CC2D2B: variants seen among roughly 807,000 people sequenced by gnomAD.
CC2D2B encodes coiled-coil and C2 domain containing 2B, also known as protein CC2D2B.
Under a neutral mutation model 161.2 loss-of-function variants are expected in CC2D2B, and 128 were observed. The ratio of observed to expected loss-of-function variants is 0.79; its 90% CI spans 0.69 to 0.92. The LOEUF is 0.92. Ranked by LOEUF, CC2D2B falls within the 40% of genes least tolerant of loss-of-function variation. CC2D2B has a pLI of 0.00. For missense variants in CC2D2B, 1,173 were observed against 1,375.1 expected (o/e 0.85, Z 2.32); for synonymous variants, 391 against 449.8 (o/e 0.87, Z 1.65).
At position 95,961,975 on chromosome 10, in the gene CC2D2B, T is replaced by C. The variant is rs2076775965; in HGVS notation, c.1250+6T>C. 3 of 1,231,434 alleles carry C rather than the reference T, an allele frequency of 2.4e-6. No homozygotes were observed. The highest frequency in any genetic ancestry group is 4.1e-5 in the South Asian group (1 of 24,316). 76.3% of individuals were successfully genotyped at this position (1,231,434 alleles called of 1,614,324 possible). A position where few individuals can be genotyped will look rare whatever the true frequency, so the allele number is the denominator to read the frequency against. On this transcript the variant is annotated splice_donor_region_variant and intron_variant, in intron 12 of 34. Transcript: ENST00000646931. ...ATAAAGTTACAGGTTCAGAGGTAAG[T>C]GGCTGCTCTATTTGCTCTTATTGGT...
chr10:96,029,241 C>CATATAT lies in CC2D2B; in HGVS notation c.4125+1891_4125+1896dup, dbSNP rs56195141. Among the ~76,000 whole-genome samples the CATATAT allele has an allele frequency of 1.0e-3, 67 of 67,134 alleles. 1 individual carries two copies. The highest frequency in any genetic ancestry group is 1.9e-3 in the Non-Finnish European group (54 of 28,132). The allele number at this position is 67,134 out of a possible 152,430, so 44.0% of individuals were successfully genotyped here. A position where few individuals can be genotyped will look rare whatever the true frequency, so the allele number is the denominator to read the frequency against. ...CATATCAAAATATCTTTTCATGTAC[C>CATATAT]ATATATATATATATATATATATATA... On this transcript the variant is annotated intron_variant, in intron 34 of 34. Transcript: ENST00000646931.
rs77856122 is a variant in CC2D2B at position 95,970,528 on chromosome 10, G to T, written c.1645-1538G>T. On this transcript the variant is annotated intron_variant, in intron 15 of 34. Coordinates refer to ENST00000646931, the MANE Select transcript of CC2D2B (RefSeq NM_001349008.3). ...ATCTCATCGCATCATGGTGTTGACA[G>T]TTGTCAGGGGACAAGACTGGCTCCT... 7.5e-3 allele frequency among the ~76,000 whole-genome samples: 1,136 copies of T among 152,280 alleles called. 9 individuals are homozygous for T. Among genetic ancestry groups the T allele is most frequent in the Middle Eastern group, 0.014 (4 of 294 alleles).
At position 95,945,146 on chromosome 10, in the gene CC2D2B, G is replaced by A. The variant is rs2076153195; in HGVS notation, c.802-4750G>A. Among the ~76,000 whole-genome samples, 4 of 152,298 alleles carry A rather than the reference G, an allele frequency of 2.6e-5. No individual in the cohort carries two copies. The South Asian group carries it at 8.3e-4, about 32-fold the overall frequency. ...CTTGGACTTCCCAGCCTCCAGAACTGTGGAATAAATTTCTTTTCTTTATAA... is the reference window on the plus strand; with the variant it reads ...CTTGGACTTCCCAGCCTCCAGAACTATGGAATAAATTTCTTTTCTTTATAA... On this transcript the variant is annotated intron_variant, in intron 9 of 34. Coordinates refer to ENST00000646931, the MANE Select transcript of CC2D2B (RefSeq NM_001349008.3).
intron 9 of CC2D2B, among the ~76,000 whole-genome samples, chr10:95,945,320 C>A (rs2076158945): frequency 6.6e-6 from 1 of 152,116 alleles, no homozygotes; most frequent in Admixed American, 6.6e-5. Context: ...TGTTGCCCAG[C>A]CAGCCTTGAA....
chr10:95,997,039 C>T (rs1035281100), intron 24 of CC2D2B, among the ~76,000 whole-genome samples: 4 of 152,216 alleles, frequency 2.6e-5, no homozygotes, highest in Admixed American at 2.0e-4. Context: ...CCTCACCAGA[C>T]ACCAGATGCT....
intron 28 of CC2D2B, 140 bp downstream of exon 28, chr10:96,012,869 C>T: frequency 1.6e-6 from 1 of 620,992 alleles, no homozygotes; most frequent in Admixed American, 2.9e-5. Flanking sequence ...AGTCATAAAG[C>T]TCCCTTAGCT....
At chr10:95,997,589 A>C (rs1305666244) in intron 24 of CC2D2B, among the ~76,000 whole-genome samples, 1 of 151,862 alleles carries the variant, frequency 6.6e-6, no homozygotes, top group Admixed American at 6.6e-5. Context: ...GGGTCTCACT[A>C]TGTTGCCCAG....
chr10:96,004,160 G>T lies in CC2D2B; in HGVS notation c.2858G>T (p.Gly953Val). ...EEIKVDFVSP[G>V]HDYSFSSLSK... is the part of the protein sequence containing the mutation. ...ATTTTTCTTATTTGCAGCTCACCAGGACATGATTATAGCTTCTCAAGCTTA... is the reference window on the plus strand; with the variant it reads ...ATTTTTCTTATTTGCAGCTCACCAGTACATGATTATAGCTTCTCAAGCTTA... Residue 953 changes from glycine to valine, a missense_variant, in exon 25 of 35, where the codon GGA (glycine) becomes GTA (valine). Physicochemically the swap from Gly to Val is moderately radical, Grantham distance 109 (BLOSUM62 -3). Coordinates refer to ENST00000646931, the MANE Select transcript of CC2D2B (RefSeq NM_001349008.3). The T allele has an allele frequency of 2.0e-6, 3 of 1,533,434 alleles. No individual in the cohort carries two copies. Among genetic ancestry groups the T allele is most frequent in the Non-Finnish European group, 1.8e-6 (2 of 1,142,650 alleles). 95.0% of individuals were successfully genotyped at this position (1,533,434 alleles called of 1,614,324 possible). A position where few individuals can be genotyped will look rare whatever the true frequency, so the allele number is the denominator to read the frequency against.
At chr10:95,934,996 G>A (rs1226960282) in intron 6 of CC2D2B, among the ~76,000 whole-genome samples, 3 of 151,974 alleles carry the variant, frequency 2.0e-5, no homozygotes, top group Non-Finnish European at 4.4e-5. Flanking sequence ...TCAGCCTCCC[G>A]AGTAGCTAGG....
intron 17 of CC2D2B, among the ~76,000 whole-genome samples, chr10:95,975,779 CTTCT>C (rs1164373106): frequency 6.6e-6 from 1 of 152,162 alleles, no homozygotes; most frequent in African/African-American, 2.4e-5. Context: ...ATGAGGTCAT[CTTCT>C]TAGAGACCTG....
At chr10:95,980,175 G>GAGGA (rs994256796) in intron 17 of CC2D2B, among the ~76,000 whole-genome samples, 3 of 145,754 alleles carry the variant, frequency 2.1e-5, no homozygotes, top group African/African-American at 7.4e-5. Flanking sequence ...AGGGAGGGAG[G>GAGGA]AGGAAGGAAG....
intron 6 of CC2D2B, among the ~76,000 whole-genome samples, chr10:95,934,191 C>A (rs35221923): frequency 6.6e-6 from 1 of 152,062 alleles, no homozygotes; most frequent in African/African-American, 2.4e-5. Context: ...AGGGGAAAAC[C>A]CGCCTACCCA....
intron 25 of CC2D2B, among the ~76,000 whole-genome samples, chr10:96,008,998 A>T (rs908012962): frequency 6.6e-6 from 1 of 152,092 alleles, no homozygotes; most frequent in Non-Finnish European, 1.5e-5. Context: ...TATTACATAC[A>T]TATTTCTTTT....
chr10:95,996,138 T>G lies in CC2D2B; in HGVS notation c.2740-5T>G. 7.3e-7 allele frequency: 1 copy of G among 1,374,186 alleles called. No homozygotes were observed. Among genetic ancestry groups the G allele is most frequent in the Non-Finnish European group, 9.8e-7 (1 of 1,016,234 alleles). 85.1% of individuals were successfully genotyped at this position (1,374,186 alleles called of 1,614,324 possible). A position where few individuals can be genotyped will look rare whatever the true frequency, so the allele number is the denominator to read the frequency against. On this transcript the variant is annotated splice_region_variant and splice_polypyrimidine_tract_variant and intron_variant, in intron 23 of 34. Transcript: ENST00000646931. ...AATCTAGTCAATGTTTATTATGTGT[T>G]TCAGGATACTGTACATCCATTCGTG...
chr10:95,930,699 T>C (rs1285693864), intron 6 of CC2D2B, among the ~76,000 whole-genome samples: 1 of 152,200 alleles, frequency 6.6e-6, no homozygotes, highest in Non-Finnish European at 1.5e-5. Context: ...TTATTGATTT[T>C]CATATGTGGA....
At chr10:95,947,090 T>A (rs1470785790) in intron 9 of CC2D2B, among the ~76,000 whole-genome samples, 711 of 27,518 alleles carry the variant, frequency 0.026, 27 homozygotes, top group African/African-American at 0.082. Flanking sequence ...AAAATATATA[T>A]ATATATATAT....
At chr10:95,992,766 G>A (rs1016326246) in intron 22 of CC2D2B, 69 bp downstream of exon 22, 11 of 1,027,998 alleles carry the variant, frequency 1.1e-5, no homozygotes, top group Non-Finnish European at 1.2e-6. Context: ...TCTCCATGCT[G>A]TTCTATTTGT....
Position 95,924,399 on chromosome 10 carries a change from T to G in CC2D2B, c.174+9T>G, listed in dbSNP as rs950593608. 4.9e-6 allele frequency: 7 copies of G among 1,426,482 alleles called. No individual in the cohort carries two copies. The highest frequency in any genetic ancestry group is 4.7e-6 in the Non-Finnish European group (5 of 1,056,368). The allele number at this position is 1,426,482 out of a possible 1,614,324, so 88.4% of individuals were successfully genotyped here. ...AGCTAAAAATTTCTAAGGTAATGCT[T>G]TTTAAAATTTCCTGTTTTCAAATTT... is the stretch of plus-strand genomic sequence containing the variant. On this transcript the variant is annotated intron_variant, in intron 4 of 34. Transcript: ENST00000646931.
rs188875109 is a variant in CC2D2B at position 95,985,832 on chromosome 10, C to T, written c.2286+2023C>T. 4.4e-4 allele frequency among the ~76,000 whole-genome samples: 67 copies of T among 152,202 alleles called. No individual in the cohort carries two copies. The East Asian group carries it at 0.012, about 28-fold the overall frequency. The stretch of plus-strand genomic sequence containing the variant: ...AAGAGAATGTGTGCCTAGGGGTAGG[C>T]TTCTAAAATGGCCGCTCTAGGGATG... On this transcript the variant is annotated intron_variant, in intron 19 of 34. Coordinates refer to ENST00000646931, the MANE Select transcript of CC2D2B (RefSeq NM_001349008.3).
Sources: allele counts gnomAD v4.1 joint callset (sites outside exome capture counted in the v4.1 genomes callset), GRCh38; gene constraint gnomAD v4.1.1; transcripts MANE v1.5; gene names NCBI Gene and HGNC (gene_info 2026-07-23, HGNC 2026-07-21).